Variants in ESR1 observed in about 807,000 individuals in gnomAD.
The protein encoded by ESR1 is estrogen receptor 1, also known as estrogen receptor.
ESR1 carries 12 observed loss-of-function variants against 52.7 expected under a neutral mutation model. That is an observed-to-expected ratio of 0.23 (90% CI 0.15 to 0.37). ESR1 has a LOEUF of 0.37. Ranked by LOEUF, ESR1 falls within the 10% of genes least tolerant of loss-of-function variation. ESR1 has a pLI of 1.00. For missense variants in ESR1, 584 were observed against 779.7 expected (o/e 0.75, Z 2.99); for synonymous variants, 305 against 316.8 (o/e 0.96, Z 0.39).
downstream of ESR1, among the ~76,000 whole-genome samples, chr6:152,107,505 T>A (rs1381121976): frequency 6.6e-6 from 1 of 152,218 alleles, no homozygotes; most frequent in Non-Finnish European, 1.5e-5. Context: ...TTCATTGTTG[T>A]CATACTCTAA....
At chr6:151,945,576 G>A (rs2035605602) in intron 4 of ESR1, among the ~76,000 whole-genome samples, 1 of 152,182 alleles carries the variant, frequency 6.6e-6, no homozygotes, top group Non-Finnish European at 1.5e-5. Context: ...AGGAGCTAAT[G>A]TAGATAAACC....
chr6:151,751,711 T>C (rs1783914905), intron 2 of ESR1, among the ~76,000 whole-genome samples: 1 of 152,194 alleles, frequency 6.6e-6, no homozygotes, highest in African/African-American at 2.4e-5. Flanking sequence ...ACAAACATCC[T>C]ACATAAACAC....
intron 2 of ESR1, among the ~76,000 whole-genome samples, chr6:151,843,639 A>G (rs903689042): frequency 8.5e-5 from 13 of 152,060 alleles, no homozygotes; most frequent in Non-Finnish European, 7.4e-5. Flanking sequence ...AGTGTGGGGC[A>G]TTTTTCTCTC....
intron 2 of ESR1, among the ~76,000 whole-genome samples, chr6:151,719,494 G>A (rs1035134357): frequency 6.6e-6 from 1 of 152,156 alleles, no homozygotes; most frequent in Non-Finnish European, 1.5e-5. Context: ...TAAGGTGGGA[G>A]CATTTCTGCG....
At chr6:151,885,026 G>A (rs1793618375) in intron 3 of ESR1, among the ~76,000 whole-genome samples, 1 of 151,946 alleles carries the variant, frequency 6.6e-6, no homozygotes, top group African/African-American at 2.4e-5. Context: ...ATGGCGCGGG[G>A]GTGGGGGGTC....
chr6:151,683,607 G>A (rs373980657), intron 1 of ESR1, among the ~76,000 whole-genome samples: 2 of 152,198 alleles, frequency 1.3e-5, no homozygotes, highest in Non-Finnish European at 2.9e-5. Flanking sequence ...AAGTAACTCA[G>A]GACTAGATTG....
intron 2 of ESR1, 154 bp downstream of exon 2, chr6:151,842,941 G>T: frequency 1.5e-6 from 1 of 685,556 alleles, no homozygotes. Flanking sequence ...ACATGGAGAA[G>T]AGACAGGATC....
chr6:151,803,914 CAT>C (rs1387032835), upstream of ESR1, among the ~76,000 whole-genome samples: 2 of 152,072 alleles, frequency 1.3e-5, no homozygotes, highest in Non-Finnish European at 2.9e-5. Flanking sequence ...AATGGTGACT[CAT>C]ATTTGAACAA....
chr6:151,679,410 C>T (rs908454290), intron 1 of ESR1, among the ~76,000 whole-genome samples: 2 of 152,062 alleles, frequency 1.3e-5, no homozygotes, highest in African/African-American at 4.8e-5. Context: ...TGTGTGGTGG[C>T]GCAATCTCGG....
At chr6:152,052,080 G>A (rs953930067) in intron 5 of ESR1, among the ~76,000 whole-genome samples, 3 of 152,178 alleles carry the variant, frequency 2.0e-5, no homozygotes, top group African/African-American at 7.2e-5. Context: ...CTTCTGGTGA[G>A]GCCTGAAGCA....
At chr6:151,658,290 CTAAATAT>C (rs1443042719) in intron 1 of ESR1, among the ~76,000 whole-genome samples, 1 of 152,216 alleles carries the variant, frequency 6.6e-6, no homozygotes, top group South Asian at 2.1e-4. Flanking sequence ...TTCCGTATCT[CTAAATAT>C]TTTCTTTCAT....
intron 2 of ESR1, among the ~76,000 whole-genome samples, chr6:151,846,181 A>T (rs772005621): frequency 4.6e-5 from 7 of 152,200 alleles, no homozygotes; most frequent in Non-Finnish European, 8.8e-5. Flanking sequence ...GACCAGGAGG[A>T]AAGGCAGAGC....
chr6:151,700,589 A>G (rs1299766065), intron 1 of ESR1, among the ~76,000 whole-genome samples: 2 of 151,804 alleles, frequency 1.3e-5, no homozygotes, highest in African/African-American at 4.8e-5. Flanking sequence ...AAATACAGCT[A>G]TCAGTCCACT....
At chr6:151,979,666 A>T (rs964135914) in intron 4 of ESR1, among the ~76,000 whole-genome samples, 1 of 152,222 alleles carries the variant, frequency 6.6e-6, no homozygotes, top group Non-Finnish European at 1.5e-5. Context: ...AAAATTAATT[A>T]TCTATAATTC....
rs1584565783 is a variant in ESR1, at chr6:151,973,125, G to A, written c.1096+28617G>A. 5.3e-5 allele frequency among the ~76,000 whole-genome samples: 8 copies of A among 152,242 alleles called. No individual in the cohort carries two copies. The South Asian group carries it at 8.3e-4, about 16-fold the overall frequency. On this transcript the variant is annotated intron_variant, in intron 4 of 7. Transcript: ENST00000206249. Reference sequence around the variant, plus strand: ...AACATCCTCACAGATACACCCAGGAGCAATACTTTGCATCCTTCAATCCAA... The same window carrying A: ...AACATCCTCACAGATACACCCAGGAACAATACTTTGCATCCTTCAATCCAA...
intron 2 of ESR1, among the ~76,000 whole-genome samples, chr6:151,862,524 C>T (rs1304285162): frequency 3.3e-5 from 5 of 152,144 alleles, no homozygotes; most frequent in African/African-American, 9.7e-5. Context: ...AGGACAATTC[C>T]GTCCTCTTAT....
At chr6:152,111,878 G>A (rs1585275518) in intron 6 of ESR1, among the ~76,000 whole-genome samples, 2 of 152,190 alleles carry the variant, frequency 1.3e-5, no homozygotes, top group East Asian at 3.8e-4. Context: ...GCCAAAATTG[G>A]AGCTGCCAGA....
intron 1 of ESR1, among the ~76,000 whole-genome samples, chr6:151,685,371 G>T (rs1261420443): frequency 6.6e-6 from 1 of 151,202 alleles, no homozygotes; most frequent in East Asian, 2.0e-4. Context: ...CTGACCTCAT[G>T]ATCCACCCGC....
chr6:151,741,338 T>C (rs1390430944), intron 2 of ESR1, among the ~76,000 whole-genome samples: 1 of 152,216 alleles, frequency 6.6e-6, no homozygotes, highest in Non-Finnish European at 1.5e-5. Context: ...CCTAAGCTTA[T>C]TTCTTTGTTA....
Sources: gnomAD v4.1 joint callset for allele counts (sites outside exome capture counted in the v4.1 genomes callset) on GRCh38, gnomAD v4.1.1 for gene constraint, MANE v1.5 for transcripts, NCBI Gene and HGNC (gene_info 2026-07-23, HGNC 2026-07-21) for gene names.